The following DOK6 variants were observed in gnomAD, a reference collection of about 807,000 sequenced individuals.
DOK6 encodes the protein docking protein 6.
Under a neutral mutation model 44.0 loss-of-function variants are expected in DOK6, and 22 were observed. The observed-to-expected ratio is 0.50, with a 90% CI of 0.36 to 0.71. The LOEUF (loss-of-function observed/expected upper bound fraction) is 0.71, where lower values mean the gene tolerates loss of function less well. Among genes scored for constraint, DOK6 ranks in the 30% least tolerant of loss-of-function variants. The pLI, the probability that DOK6 is intolerant of heterozygous loss-of-function variation, is 0.00. For synonymous variants in DOK6, 166 were observed against 145.5 expected (o/e 1.14, Z -1.01); for missense variants, 340 against 416.4 (o/e 0.82, Z 1.60).
chr18:69,536,781 A>C (rs971875896), intron 1 of DOK6, among the ~76,000 whole-genome samples: 6 of 151,866 alleles, frequency 4.0e-5, no homozygotes, highest in African/African-American at 9.7e-5. Flanking sequence ...GACTTTTAAC[A>C]GCGATTTAGT....
At chr18:69,635,344 A>G (rs556880224) in intron 3 of DOK6, among the ~76,000 whole-genome samples, 7 of 152,300 alleles carry the variant, frequency 4.6e-5, no homozygotes, top group African/African-American at 1.7e-4. Flanking sequence ...ACAACTGTGC[A>G]GGACGTAGAA....
chr18:69,777,938 A>C (rs777430135), intron 7 of DOK6: 2 of 152,176 alleles, frequency 1.3e-5, no homozygotes, highest in African/African-American at 2.4e-5. Flanking sequence ...GTTGCAAGAA[A>C]TCCGAGAACA....
At chr18:69,432,354 G>A (rs1297430811) in intron 1 of DOK6, among the ~76,000 whole-genome samples, 1 of 152,150 alleles carries the variant, frequency 6.6e-6, no homozygotes, top group East Asian at 1.9e-4. Flanking sequence ...TGAGGTGGGA[G>A]GATTGCTTGT....
chr18:69,641,222 A>AG (rs1491206081), intron 3 of DOK6, among the ~76,000 whole-genome samples: 19 of 151,426 alleles, frequency 1.3e-4, no homozygotes, highest in Admixed American at 1.2e-3. Context: ...TCAAAAAAAA[A>AG]GAAAAAAAAA....
intron 3 of DOK6, among the ~76,000 whole-genome samples, chr18:69,612,600 T>C (rs12970164): frequency 2.0e-5 from 1 of 49,734 alleles, no homozygotes; most frequent in Non-Finnish European, 4.4e-5. Flanking sequence ...TCCTGCTTTG[T>C]TCCCCCTCAC....
intron 5 of DOK6, among the ~76,000 whole-genome samples, chr18:69,717,917 C>T (rs993530900): frequency 2.0e-5 from 3 of 152,042 alleles, no homozygotes; most frequent in African/African-American, 4.8e-5. Flanking sequence ...CCAGTGGCAT[C>T]GAGGCCTTAG....
chr18:69,780,844 G>A (rs1306783854), intron 7 of DOK6, among the ~76,000 whole-genome samples: 1 of 152,140 alleles, frequency 6.6e-6, no homozygotes, highest in Non-Finnish European at 1.5e-5. Flanking sequence ...AGGTACACAG[G>A]ATGAAGAAAG....
chr18:69,612,488 C>A (rs10084092), intron 3 of DOK6, among the ~76,000 whole-genome samples: 118,839 of 136,564 alleles, frequency 0.87, 52,602 homozygotes, highest in Non-Finnish European at 0.95. Context: ...TCTTTTCTAA[C>A]ATAGAGGCCG....
intron 1 of DOK6, among the ~76,000 whole-genome samples, chr18:69,481,136 C>T (rs915906361): frequency 1.3e-5 from 2 of 152,134 alleles, no homozygotes; most frequent in Admixed American, 6.6e-5. Flanking sequence ...AATGGCCAAG[C>T]CTTTTCTCGT....
intron 6 of DOK6, among the ~76,000 whole-genome samples, chr18:69,745,754 T>C (rs1021281522): frequency 8.5e-5 from 13 of 152,214 alleles, no homozygotes; most frequent in Non-Finnish European, 1.8e-4. Context: ...TATCATAATA[T>C]GTACTTCACA....
chr18:69,578,940 A>G (rs890727907), intron 2 of DOK6, among the ~76,000 whole-genome samples: 1 of 152,146 alleles, frequency 6.6e-6, no homozygotes, highest in Non-Finnish European at 1.5e-5. Flanking sequence ...TCAAATTTAT[A>G]TAGTATTTTA....
chr18:69,627,266 CAG>C lies in DOK6; in HGVS notation c.289+27773_289+27774del, dbSNP rs554291265. On this transcript the variant is annotated intron_variant, in intron 3 of 7. Coordinates refer to ENST00000382713, the MANE Select transcript of DOK6 (RefSeq NM_152721.6). ...AATGCCTTCTTCAGGTGCAGAGAGT[CAG>C]AGAGTGCTGATTGAGTGGCAGCCAA... Among the ~76,000 whole-genome samples, 58 of 152,218 alleles carry C rather than the reference CAG, an allele frequency of 3.8e-4. No individual in the cohort carries two copies. The South Asian group carries it at 0.012, about 31-fold the overall frequency.
intron 5 of DOK6, among the ~76,000 whole-genome samples, chr18:69,717,369 A>C (rs978533839): frequency 6.6e-6 from 1 of 152,224 alleles, no homozygotes; most frequent in Admixed American, 6.5e-5. Flanking sequence ...AAATGATAGA[A>C]TATATGAGGA....
intron 7 of DOK6, among the ~76,000 whole-genome samples, chr18:69,788,182 G>A (rs750207857): frequency 6.6e-6 from 1 of 152,072 alleles, no homozygotes; most frequent in Non-Finnish European, 1.5e-5. Context: ...AATAACCAGG[G>A]GTAATCTAGG....
rs537661890 is a variant in DOK6, at chr18:69,750,824, A to G, written c.739-6932A>G. Among the ~76,000 whole-genome samples the G allele has an allele frequency of 7.2e-5, 11 of 152,378 alleles. No homozygotes were observed. In the South Asian group the frequency reaches 2.1e-3, roughly 29 times the overall value. ...ACAATAGTAAGTTTATGGAATCAGCATAAGTGTTTATCAACAAATGAATGG... is the reference window on the plus strand; with the variant it reads ...ACAATAGTAAGTTTATGGAATCAGCGTAAGTGTTTATCAACAAATGAATGG... On this transcript the variant is annotated intron_variant, in intron 6 of 7. Transcript: ENST00000382713.
intron 7 of DOK6, among the ~76,000 whole-genome samples, chr18:69,817,135 T>C (rs555206799): frequency 6.6e-6 from 1 of 152,246 alleles, no homozygotes; most frequent in Non-Finnish European, 1.5e-5. Flanking sequence ...TGGAGCCCAA[T>C]TCATCCATTT....
intron 2 of DOK6, among the ~76,000 whole-genome samples, chr18:69,590,872 A>G (rs777355553): frequency 2.0e-5 from 3 of 152,142 alleles, no homozygotes; most frequent in Admixed American, 6.6e-5. Context: ...ATTTCATGAC[A>G]GAACAGATGT....
chr18:69,770,910 G>A (rs1031017651), intron 7 of DOK6, among the ~76,000 whole-genome samples: 1 of 151,828 alleles, frequency 6.6e-6, no homozygotes, highest in Admixed American at 6.6e-5. Context: ...GAGCCTCCCT[G>A]TTGTTATTCC....
At chr18:69,423,107 C>T (rs1978540541) in intron 1 of DOK6, among the ~76,000 whole-genome samples, 1 of 152,076 alleles carries the variant, frequency 6.6e-6, no homozygotes, top group Non-Finnish European at 1.5e-5. Context: ...AGTTTGAGAC[C>T]AGCTTGGGTA....
Sources: allele counts gnomAD v4.1 joint callset (sites outside exome capture counted in the v4.1 genomes callset), GRCh38; gene constraint gnomAD v4.1.1; transcripts MANE v1.5; gene names NCBI Gene and HGNC (gene_info 2026-07-23, HGNC 2026-07-21).